NFIA: variants seen among roughly 807,000 people sequenced by gnomAD.
NFIA encodes the protein nuclear factor I A, also known as nuclear factor 1 A-type.
NFIA carries 8 observed loss-of-function variants against 62.8 expected under a neutral mutation model. The ratio of observed to expected loss-of-function variants is 0.13; its 90% CI spans 0.07 to 0.23. NFIA has a LOEUF of 0.23. Among genes scored for constraint, NFIA ranks in the 10% least tolerant of loss-of-function variants. The pLI is 1.00. For synonymous variants in NFIA, 235 were observed against 238.1 expected, an observed-to-expected ratio of 0.99 and a Z score of 0.12; for missense variants, 410 against 642.1, an observed-to-expected ratio of 0.64 and a Z score of 3.91.
chr1:61,186,689 T>C (rs1357830575), intron 2 of NFIA, among the ~76,000 whole-genome samples: 1 of 152,190 alleles, frequency 6.6e-6, no homozygotes, highest in Non-Finnish European at 1.5e-5. Context: ...TAGGTAAAAA[T>C]ATGTCCCCTA....
At chr1:61,091,443 G>A (rs1388812014) in intron 2 of NFIA, among the ~76,000 whole-genome samples, 2 of 152,018 alleles carry the variant, frequency 1.3e-5, no homozygotes, top group East Asian at 1.9e-4. Context: ...AAATCCAGTG[G>A]CATTAGAACT....
At chr1:61,324,790 A>G (rs1660846262) in intron 3 of NFIA, among the ~76,000 whole-genome samples, 2 of 152,202 alleles carry the variant, frequency 1.3e-5, no homozygotes, top group South Asian at 4.1e-4. Flanking sequence ...AACTGCTGAT[A>G]TCATCAAGGT....
chr1:61,342,266 A>C (rs551802435), intron 4 of NFIA, among the ~76,000 whole-genome samples: 1 of 151,920 alleles, frequency 6.6e-6, no homozygotes, highest in Non-Finnish European at 1.5e-5. Context: ...TTGGTTTCCT[A>C]ATAGCTAATG....
chr1:61,365,012 C>G (rs1375527624), intron 6 of NFIA, among the ~76,000 whole-genome samples: 4 of 152,092 alleles, frequency 2.6e-5, no homozygotes, highest in Non-Finnish European at 5.9e-5. Context: ...TAGCAGGACC[C>G]TGTCTCTACA....
intron 2 of NFIA, among the ~76,000 whole-genome samples, chr1:61,252,398 A>G (rs1042017635): frequency 6.6e-6 from 1 of 152,156 alleles, no homozygotes; most frequent in African/African-American, 2.4e-5. Flanking sequence ...ATTTAATTAA[A>G]TTTATGTGAA....
chr1:61,194,069 C>T (rs569822743), intron 2 of NFIA, among the ~76,000 whole-genome samples: 6 of 152,264 alleles, frequency 3.9e-5, no homozygotes, highest in Non-Finnish European at 7.3e-5. Context: ...ATTGATTTGA[C>T]TTGATAATTA....
chr1:61,209,813 A>G (rs1489818979), intron 2 of NFIA, among the ~76,000 whole-genome samples: 3 of 152,118 alleles, frequency 2.0e-5, no homozygotes, highest in African/African-American at 7.2e-5. Context: ...GATTGCGGCC[A>G]CTGCACTCCA....
chr1:61,130,056 T>C (rs1212915921), intron 2 of NFIA, among the ~76,000 whole-genome samples: 1 of 152,152 alleles, frequency 6.6e-6, no homozygotes. Context: ...TTTTTCCAGA[T>C]AGCTAAAGTC....
At position 61,370,988 on chromosome 1, in the gene NFIA, C is replaced by T. The variant is rs937388782; in HGVS notation, c.946+11714C>T. Reference sequence around the variant, plus strand: ...TTCCCTGCCCCTGCCATGTTAGCCCCACCCAGAAATCACTTAACTATGATT... The same window carrying T: ...TTCCCTGCCCCTGCCATGTTAGCCCTACCCAGAAATCACTTAACTATGATT... On this transcript the variant is annotated intron_variant, in intron 6 of 10. Coordinates refer to ENST00000403491, the MANE Select transcript of NFIA (RefSeq NM_001134673.4). Among the ~76,000 whole-genome samples the T allele has an allele frequency of 5.3e-5, 8 of 152,120 alleles. No homozygotes were observed. In the South Asian group the frequency reaches 1.0e-3, roughly 20 times the overall value.
intron 8 of NFIA, among the ~76,000 whole-genome samples, chr1:61,404,547 A>AGTTCACCAC (rs1665727979): frequency 1.3e-5 from 2 of 152,202 alleles, no homozygotes; most frequent in Non-Finnish European, 2.9e-5. Context: ...ATAACCTTCT[A>AGTTCACCAC]AGTTCTGTGG....
intron 3 of NFIA, among the ~76,000 whole-genome samples, chr1:61,311,378 T>C (rs2806438): frequency 0.88 from 133,541 of 152,098 alleles, 58,749 homozygotes; most frequent in East Asian, 0.95. Flanking sequence ...GCAACAAAAG[T>C]GAAACTCCGT....
intron 2 of NFIA, among the ~76,000 whole-genome samples, chr1:61,265,692 T>C (rs1657113716): frequency 6.6e-6 from 1 of 152,246 alleles, no homozygotes; most frequent in South Asian, 2.1e-4. Flanking sequence ...TTAAGTATTA[T>C]CCTAAATTCT....
At chr1:61,419,554 TCTC>T (rs1414021728) in intron 9 of NFIA, among the ~76,000 whole-genome samples, 1 of 152,116 alleles carries the variant, frequency 6.6e-6, no homozygotes, top group Non-Finnish European at 1.5e-5. Context: ...GTTACTCTGG[TCTC>T]CTCTCTGTGT....
At chr1:61,196,581 A>G (rs904094960) in intron 2 of NFIA, among the ~76,000 whole-genome samples, 3 of 151,820 alleles carry the variant, frequency 2.0e-5, no homozygotes, top group Non-Finnish European at 2.9e-5. Flanking sequence ...AGGAGACTAT[A>G]TATTATTTTT....
At chr1:61,394,062 CAGT>C (rs1484996420) in intron 7 of NFIA, among the ~76,000 whole-genome samples, 4 of 152,216 alleles carry the variant, frequency 2.6e-5, no homozygotes, top group Non-Finnish European at 1.5e-5. Context: ...GTTTGGCACA[CAGT>C]AGATTCTCAA....
chr1:61,186,622 G>A (rs1651201971), intron 2 of NFIA, among the ~76,000 whole-genome samples: 2 of 152,216 alleles, frequency 1.3e-5, no homozygotes, highest in South Asian at 2.1e-4. Context: ...CCTCTGTTAA[G>A]TAGACAGCAA....
At position 61,196,932 on chromosome 1, in the gene NFIA, TGTGTGTGTGC is replaced by T. The variant is rs1218990208; in HGVS notation, c.560-80586_560-80577del. Among the ~76,000 whole-genome samples the T allele has an allele frequency of 0.013, 1,384 of 104,390 alleles. 58 individuals carry two copies. The East Asian group carries it at 0.17, about 13-fold the overall frequency. 68.5% of individuals were successfully genotyped at this position (104,390 alleles called of 152,430 possible). ...GTGTGTGTGTGTGTGTGTGTGTGTG[TGTGTGTGTGC>T]GCGCGCGCGCTGTGTGTGTGTGATG... is the stretch of plus-strand genomic sequence containing the variant. On this transcript the variant is annotated intron_variant, in intron 2 of 10. Transcript: ENST00000403491.
intron 2 of NFIA, among the ~76,000 whole-genome samples, chr1:61,150,691 A>G (rs1029564563): frequency 3.1e-4 from 47 of 152,322 alleles, no homozygotes; most frequent in African/African-American, 1.1e-3. Context: ...AATTCCCCCA[A>G]CAAACCCCAG....
At chr1:61,451,107 G>A (rs1374390900) in intron 10 of NFIA, among the ~76,000 whole-genome samples, 10 of 152,158 alleles carry the variant, frequency 6.6e-5, no homozygotes, top group South Asian at 4.1e-4. Context: ...GATTGGCACC[G>A]TCAGAGGTAC....
Sources: gnomAD v4.1 joint callset for allele counts (sites outside exome capture counted in the v4.1 genomes callset) on GRCh38, gnomAD v4.1.1 for gene constraint, MANE v1.5 for transcripts, NCBI Gene and HGNC (gene_info 2026-07-23, HGNC 2026-07-21) for gene names.